OSBPL8: variants seen among roughly 807,000 people sequenced by gnomAD.
OSBPL8 encodes the protein oxysterol-binding protein-related protein 8.
A neutral mutation model predicts 125.5 loss-of-function variants in OSBPL8; 59 were observed. The observed-to-expected ratio is 0.47, with a 90% CI of 0.38 to 0.58. The LOEUF is 0.58. Ranked by LOEUF, OSBPL8 falls within the 20% of genes least tolerant of loss-of-function variation. The pLI is 0.00. For missense variants in OSBPL8, 758 were observed against 1,047.8 expected, an observed-to-expected ratio of 0.72 and a Z score of 3.82; for synonymous variants, 330 against 338.9, an observed-to-expected ratio of 0.97 and a Z score of 0.29.
At chr12:76,513,285 A>C (rs1881190203) in intron 1 of OSBPL8, among the ~76,000 whole-genome samples, 1 of 152,172 alleles carries the variant, frequency 6.6e-6, no homozygotes, top group African/African-American at 2.4e-5. Flanking sequence ...ACTGTGGTCC[A>C]AGAGCGTGTT....
chr12:76,499,304 C>A (rs1054058138), intron 1 of OSBPL8, among the ~76,000 whole-genome samples: 121 of 128,088 alleles, frequency 9.4e-4, no homozygotes, highest in Non-Finnish European at 1.7e-3. Context: ...ACTTAATAAA[C>A]TCTATCTATC....
chr12:76,523,388 T>A (rs542645119), intron 1 of OSBPL8, among the ~76,000 whole-genome samples: 1 of 152,016 alleles, frequency 6.6e-6, no homozygotes, highest in African/African-American at 2.4e-5. Flanking sequence ...ATCCATAGAG[T>A]CAAAGGGAAA....
rs577868250 is a variant in OSBPL8 at position 76,371,275 on chromosome 12, A to G, written c.2054+173T>C. On this transcript the variant is annotated intron_variant, in intron 19 of 23. Transcript: ENST00000261183. ...GAGCTACAGAAAAGCAAGACGATTT[A>G]TATTATATTTGACATTCATATACAC... 6.5e-4 allele frequency: 399 copies of G among 617,800 alleles called. 1 individual carries two copies. Among genetic ancestry groups the G allele is most frequent in the Non-Finnish European group, 8.9e-4 (371 of 416,594 alleles). 38.3% of individuals were successfully genotyped at this position (617,800 alleles called of 1,614,324 possible). A position where few individuals can be genotyped will look rare whatever the true frequency, so the allele number is the denominator to read the frequency against.
chr12:76,428,838 C>A (rs1468047403), intron 4 of OSBPL8, among the ~76,000 whole-genome samples: 1 of 152,204 alleles, frequency 6.6e-6, no homozygotes, highest in East Asian at 1.9e-4. Flanking sequence ...CAAGTCTATT[C>A]ATAACATTAA....
intron 2 of OSBPL8, among the ~76,000 whole-genome samples, chr12:76,471,053 CCTCT>C (rs1467875970): frequency 6.6e-6 from 1 of 151,968 alleles, no homozygotes; most frequent in Non-Finnish European, 1.5e-5. Context: ...AAAAAAAAGC[CCTCT>C]CTTTCAATAA....
chr12:76,361,786 C>T (rs1434259919), intron 21 of OSBPL8, among the ~76,000 whole-genome samples: 2 of 152,164 alleles, frequency 1.3e-5, no homozygotes, highest in African/African-American at 2.4e-5. Flanking sequence ...ACCATGAGAA[C>T]AGCATGGGGG....
chr12:76,416,247 A>G (rs1868649431), intron 4 of OSBPL8, among the ~76,000 whole-genome samples: 1 of 152,076 alleles, frequency 6.6e-6, no homozygotes, highest in Non-Finnish European at 1.5e-5. Context: ...ATAGATTTCT[A>G]ACATAAAAAA....
chr12:76,445,439 G>C (rs1000551938), intron 4 of OSBPL8, among the ~76,000 whole-genome samples: 1 of 151,950 alleles, frequency 6.6e-6, no homozygotes, highest in Admixed American at 6.6e-5. Flanking sequence ...AAATAAGAAA[G>C]CATGCCAAGA....
At chr12:76,523,080 T>C (rs1287957095) in intron 1 of OSBPL8, among the ~76,000 whole-genome samples, 1 of 152,182 alleles carries the variant, frequency 6.6e-6, no homozygotes, top group Non-Finnish European at 1.5e-5. Context: ...TAAAGTGATC[T>C]GTCCGCCTCA....
At chr12:76,377,398 T>TA (rs1210598276) in intron 16 of OSBPL8, among the ~76,000 whole-genome samples, 1 of 152,160 alleles carries the variant, frequency 6.6e-6, no homozygotes, top group East Asian at 1.9e-4. Flanking sequence ...ACCAACAGTG[T>TA]AAAATTGTTC....
intron 2 of OSBPL8, among the ~76,000 whole-genome samples, chr12:76,476,929 T>A (rs1876879311): frequency 6.6e-6 from 1 of 152,128 alleles, no homozygotes; most frequent in Admixed American, 6.6e-5. Flanking sequence ...ATTCAACAAA[T>A]ATCTGTTAAA....
intron 1 of OSBPL8, among the ~76,000 whole-genome samples, chr12:76,506,978 T>G (rs1301240967): frequency 1.3e-5 from 2 of 152,000 alleles, no homozygotes; most frequent in African/African-American, 4.9e-5. Flanking sequence ...ACAGTGTATA[T>G]TGCTTCTGTT....
At chr12:76,550,535 G>C (rs1266858165) in intron 1 of OSBPL8, among the ~76,000 whole-genome samples, 1 of 152,166 alleles carries the variant, frequency 6.6e-6, no homozygotes, top group Non-Finnish European at 1.5e-5. Flanking sequence ...TGGAAGAGAA[G>C]AATTGTCTTG....
At chr12:76,397,992 A>G (rs1953886203) in intron 7 of OSBPL8, 95 bp from the exon 8 acceptor site, 8 of 1,024,552 alleles carry the variant, frequency 7.8e-6, no homozygotes, top group African/African-American at 3.3e-5. Flanking sequence ...TAAAATTTCC[A>G]TAACACGTAC....
chr12:76,472,640 C>G (rs527450700), intron 2 of OSBPL8, among the ~76,000 whole-genome samples: 2 of 152,308 alleles, frequency 1.3e-5, no homozygotes, highest in Admixed American at 1.3e-4. Context: ...GGACAGGGGG[C>G]CCTTCCCTGC....
At chr12:76,369,358 A>G (rs1445857057) in intron 20 of OSBPL8, 57 bp from the exon 21 acceptor site, 1 of 1,543,992 alleles carries the variant, frequency 6.5e-7, no homozygotes, top group Non-Finnish European at 8.7e-7. Flanking sequence ...AAGAACTTTA[A>G]AACTTTCTAT....
intron 5 of OSBPL8, among the ~76,000 whole-genome samples, chr12:76,406,245 A>G (rs1954257076): frequency 6.6e-6 from 1 of 152,224 alleles, no homozygotes. Flanking sequence ...CTACAGATAC[A>G]AGGAACAACA....
At chr12:76,421,284 T>C (rs959912035) in intron 4 of OSBPL8, among the ~76,000 whole-genome samples, 6 of 152,050 alleles carry the variant, frequency 3.9e-5, no homozygotes, top group African/African-American at 1.4e-4. Flanking sequence ...CACTTCTGAA[T>C]GACAAACGAC....
chr12:76,413,489 C>T (rs956672354), intron 4 of OSBPL8, among the ~76,000 whole-genome samples: 2 of 152,186 alleles, frequency 1.3e-5, no homozygotes, highest in African/African-American at 4.8e-5. Context: ...TCGTGGTAGA[C>T]ACCTCTAAGT....
Sources: gnomAD v4.1 joint callset for allele counts (sites outside exome capture counted in the v4.1 genomes callset) on GRCh38, gnomAD v4.1.1 for gene constraint, MANE v1.5 for transcripts, NCBI Gene and HGNC (gene_info 2026-07-23, HGNC 2026-07-21) for gene names.